NAV3: variants seen among roughly 807,000 people sequenced by gnomAD.
NAV3 encodes pore membrane and/or filament interacting like protein 1.
A neutral mutation model predicts 244.7 loss-of-function variants in NAV3; 87 were observed. The ratio of observed to expected loss-of-function variants is 0.36; its 90% CI spans 0.30 to 0.42. NAV3 has a LOEUF of 0.42. NAV3 is among the 20% of genes least tolerant of loss of function. The pLI, the probability that NAV3 is intolerant of heterozygous loss-of-function variation, is 1.00. For synonymous variants in NAV3, 1,126 were observed against 1,042.2 expected, an observed-to-expected ratio of 1.08 and a Z score of -1.55; for missense variants, 2,663 against 2,893.3, an observed-to-expected ratio of 0.92 and a Z score of 1.83.
intron 2 of NAV3, among the ~76,000 whole-genome samples, chr12:77,680,440 C>T (rs1270515881): frequency 1.3e-5 from 2 of 152,140 alleles, no homozygotes; most frequent in Non-Finnish European, 2.9e-5. Context: ...TCTCCTTTCT[C>T]CCTATCAGGA....
intron 2 of NAV3, among the ~76,000 whole-genome samples, chr12:77,808,645 G>T (rs557572557): frequency 6.6e-6 from 1 of 152,322 alleles, no homozygotes; most frequent in East Asian, 1.9e-4. Flanking sequence ...GTCAGGAGGC[G>T]CAGGGATCAG....
At chr12:78,012,164 C>A (rs1448110570) in intron 8 of NAV3, among the ~76,000 whole-genome samples, 1 of 152,038 alleles carries the variant, frequency 6.6e-6, no homozygotes, top group Non-Finnish European at 1.5e-5. Flanking sequence ...TTCAATGACC[C>A]CTTCTCCATA....
At chr12:78,164,587 G>A (rs1412311378) in intron 23 of NAV3, among the ~76,000 whole-genome samples, 2 of 152,008 alleles carry the variant, frequency 1.3e-5, no homozygotes, top group African/African-American at 2.4e-5. Context: ...AATCTTTGGG[G>A]CATAGAATAA....
chr12:78,084,119 A>G (rs1402227117), intron 12 of NAV3, among the ~76,000 whole-genome samples: 1 of 152,172 alleles, frequency 6.6e-6, no homozygotes, highest in African/African-American at 2.4e-5. Context: ...GTGCACAGAA[A>G]TCCTACATTT....
chr12:77,680,767 A>G (rs1170038547), intron 2 of NAV3, among the ~76,000 whole-genome samples: 1 of 151,488 alleles, frequency 6.6e-6, no homozygotes, highest in Non-Finnish European at 1.5e-5. Flanking sequence ...ACGAGAATGG[A>G]AAGTTAAAAG....
At chr12:78,087,769 A>G (rs1487548553) in intron 12 of NAV3, among the ~76,000 whole-genome samples, 2 of 151,934 alleles carry the variant, frequency 1.3e-5, no homozygotes, top group Admixed American at 6.6e-5. Flanking sequence ...AATTATTTTT[A>G]TGGTTCTATG....
At chr12:77,687,921 C>T (rs1874830596) in intron 2 of NAV3, among the ~76,000 whole-genome samples, 1 of 152,018 alleles carries the variant, frequency 6.6e-6, no homozygotes, top group Non-Finnish European at 1.5e-5. Flanking sequence ...ACAATTTAAT[C>T]CATGTCTTGT....
intron 28 of NAV3, among the ~76,000 whole-genome samples, chr12:78,178,745 C>T (rs528311202): frequency 6.6e-6 from 1 of 152,234 alleles, no homozygotes; most frequent in East Asian, 1.9e-4. Flanking sequence ...GAACATGTCA[C>T]TGTCATTTTG....
chr12:77,869,839 T>C (rs1278980313), intron 1 of NAV3, among the ~76,000 whole-genome samples: 1 of 152,230 alleles, frequency 6.6e-6, no homozygotes, highest in Non-Finnish European at 1.5e-5. Context: ...TTTGACCCAC[T>C]AGTGTATTTC....
At chr12:77,724,681 T>C (rs1171535820) in intron 2 of NAV3, among the ~76,000 whole-genome samples, 4 of 151,882 alleles carry the variant, frequency 2.6e-5, no homozygotes, top group East Asian at 1.9e-4. Context: ...GGTTTTCATA[T>C]GGTATCAATA....
At chr12:77,971,762 C>T (rs1161059167) in intron 5 of NAV3, among the ~76,000 whole-genome samples, 1 of 151,980 alleles carries the variant, frequency 6.6e-6, no homozygotes, top group Non-Finnish European at 1.5e-5. Flanking sequence ...ACTTGCTATA[C>T]TTCTCTGGGT....
chr12:78,061,010 A>T (rs1277193127), intron 12 of NAV3, among the ~76,000 whole-genome samples: 1 of 152,190 alleles, frequency 6.6e-6, no homozygotes, highest in Non-Finnish European at 1.5e-5. Context: ...AAAGACCTAG[A>T]TAGGTATCTA....
rs1406334350 is a variant in NAV3, at chr12:78,006,600, T to A, written c.1062T>A (p.Ser354Arg). The change falls in exon 8 of 40, where the codon AGT (serine) becomes AGA (arginine). Residue 354 changes from serine to arginine, a missense_variant. Transcript: ENST00000397909. The part of the protein sequence containing the change: ...TSTMLTVKQS[S>R]TATSPTPSSD... ...CCATGTTGACTGTAAAGCAGTCAAG[T>A]ACAGCCACCTCCCCCACACCATCTT... 5 of 1,614,074 alleles carry A rather than the reference T, an allele frequency of 3.1e-6. No homozygotes were observed. Among genetic ancestry groups the A allele is most frequent in the Non-Finnish European group, 4.2e-6 (5 of 1,180,022 alleles).
At chr12:78,131,517 C>T (rs929790144) in intron 18 of NAV3, among the ~76,000 whole-genome samples, 1 of 152,106 alleles carries the variant, frequency 6.6e-6, no homozygotes, top group African/African-American at 2.4e-5. Flanking sequence ...AAAACACACC[C>T]AAATCACCTA....
intron 2 of NAV3, among the ~76,000 whole-genome samples, chr12:77,679,461 C>T (rs766409178): frequency 2.6e-5 from 4 of 152,028 alleles, no homozygotes; most frequent in Admixed American, 6.6e-5. Flanking sequence ...GAGTTGTTCC[C>T]TTCTCGTCAT....
At position 78,131,544 on chromosome 12, in the gene NAV3, C is replaced by G. The variant is rs572649222; in HGVS notation, c.4441+2678C>G. 3.3e-5 allele frequency among the ~76,000 whole-genome samples: 5 copies of G among 152,218 alleles called. No individual in the cohort carries two copies. In the East Asian group the frequency reaches 9.7e-4, roughly 29 times the overall value. On this transcript the variant is annotated intron_variant, in intron 18 of 39. Transcript: ENST00000397909. ...AATCACCTAAAGTGCTATAAGCTTGCTAAGTACTTCATGTCTCCTATCAAT... is the reference window on the plus strand; with the variant it reads ...AATCACCTAAAGTGCTATAAGCTTGGTAAGTACTTCATGTCTCCTATCAAT...
intron 16 of NAV3, among the ~76,000 whole-genome samples, chr12:78,124,742 T>C (rs1440689656): frequency 6.6e-6 from 1 of 152,124 alleles, no homozygotes; most frequent in Non-Finnish European, 1.5e-5. Flanking sequence ...GTGTGAGCCG[T>C]GGCACCAGCC....
At chr12:78,066,499 G>A (rs1885038208) in intron 12 of NAV3, among the ~76,000 whole-genome samples, 1 of 151,972 alleles carries the variant, frequency 6.6e-6, no homozygotes, top group African/African-American at 2.4e-5. Context: ...GAAAGGCAAA[G>A]CTCCAGATAC....
intron 16 of NAV3, among the ~76,000 whole-genome samples, chr12:78,124,648 T>C (rs1206635000): frequency 6.6e-6 from 1 of 152,016 alleles, no homozygotes; most frequent in Non-Finnish European, 1.5e-5. Flanking sequence ...GAGATGAAGT[T>C]TCACCATGTT....
Sources: allele counts gnomAD v4.1 joint callset (sites outside exome capture counted in the v4.1 genomes callset), GRCh38; gene constraint gnomAD v4.1.1; transcripts MANE v1.5; gene names NCBI Gene and HGNC (gene_info 2026-07-23, HGNC 2026-07-21).